The following PLEKHS1 variants were observed in gnomAD, a reference collection of about 807,000 sequenced individuals.
PLEKHS1 encodes the protein pleckstrin homology domain containing S1, also known as pleckstrin homology domain-containing family S member 1.
A neutral mutation model predicts 51.0 loss-of-function variants in PLEKHS1; 55 were observed. The observed-to-expected ratio is 1.08, with a 90% CI of 0.87 to 1.35. PLEKHS1 has a LOEUF of 1.35. Ranked by LOEUF, PLEKHS1 falls within the 40% of genes most tolerant of loss-of-function variation. The probability of loss-of-function intolerance (pLI) is 0.00; values close to 1 mark genes in which losing one functional copy is unlikely to be tolerated. For missense variants in PLEKHS1, 398 were observed against 423.0 expected, an observed-to-expected ratio of 0.94 and a Z score of 0.52; for synonymous variants, 153 against 144.8, an observed-to-expected ratio of 1.06 and a Z score of -0.41.
intron 1 of PLEKHS1, among the ~76,000 whole-genome samples, chr10:113,754,376 C>T (rs2134458368): frequency 6.6e-6 from 1 of 152,282 alleles, no homozygotes; most frequent in East Asian, 1.9e-4. Context: ...ACCTCACTTG[C>T]CCTGCAGCCC....
intron 2 of PLEKHS1, among the ~76,000 whole-genome samples, chr10:113,758,773 C>T (rs1425655337): frequency 1.3e-5 from 2 of 152,150 alleles, no homozygotes; most frequent in Middle Eastern, 3.2e-3. Flanking sequence ...TCAGAACACA[C>T]ACAACATTTT....
rs1181740187 is a variant in PLEKHS1 at position 113,777,944 on chromosome 10, T to C, written c.1091+2078T>C. On this transcript the variant is annotated intron_variant, in intron 11 of 11. Transcript: ENST00000361048. ...ATTCAAGGTTACAGTGTGCTATGAT[T>C]GCACCACTGCACTCCAGCCTGGAAG... 5 of 420,184 alleles carry C rather than the reference T, an allele frequency of 1.2e-5. No individual in the cohort carries two copies. The Admixed American group carries it at 1.9e-4, about 16-fold the overall frequency. The allele number at this position is 420,184 out of a possible 1,614,324, so 26.0% of individuals were successfully genotyped here. A position where few individuals can be genotyped will look rare whatever the true frequency, so the allele number is the denominator to read the frequency against.
chr10:113,771,946 A>G, intron 7 of PLEKHS1, 24 bp from the exon 8 acceptor site: 1 of 1,591,072 alleles, frequency 6.3e-7, no homozygotes, highest in Non-Finnish European at 8.5e-7. Flanking sequence ...GAAAAAGCAA[A>G]GCATTTTTAT....
chr10:113,769,740 C>G, intron 6 of PLEKHS1, 44 bp from the exon 7 acceptor site: 1 of 1,264,788 alleles, frequency 7.9e-7, no homozygotes, highest in Non-Finnish European at 1.2e-6. Flanking sequence ...TCATTCCAGA[C>G]AGAGATCAAC....
At chr10:113,762,794 G>T (rs1359599097) in intron 2 of PLEKHS1, among the ~76,000 whole-genome samples, 1 of 151,922 alleles carries the variant, frequency 6.6e-6, no homozygotes, top group African/African-American at 2.4e-5. Flanking sequence ...TTGTCATTGA[G>T]TGGAATGTTC....
intron 2 of PLEKHS1, among the ~76,000 whole-genome samples, chr10:113,763,819 T>C (rs1844048779): frequency 1.3e-5 from 2 of 152,204 alleles, no homozygotes; most frequent in African/African-American, 4.8e-5. Flanking sequence ...TCAGTTAATG[T>C]TTTAATGTTT....
chr10:113,774,961 T>C lies in PLEKHS1; in HGVS notation c.915T>C (p.Asp305=), dbSNP rs750158623. The C allele has an allele frequency of 1.2e-5, 20 of 1,614,048 alleles. No homozygotes were observed. In the Admixed American group the frequency reaches 2.3e-4, roughly 19 times the overall value. Residue 305 remains aspartate, a synonymous_variant, in exon 10 of 12, where the codon GAT becomes GAC. Coordinates refer to ENST00000361048, the Ensembl canonical transcript of PLEKHS1. ...TTGATTGGTGTCTTTCCCCTGCCGA[T>C]GTGGAAGCACAGACCACAAATGACC...
chr10:113,760,778 A>G (rs904906791), intron 2 of PLEKHS1, among the ~76,000 whole-genome samples: 2 of 152,118 alleles, frequency 1.3e-5, no homozygotes, highest in African/African-American at 4.8e-5. Context: ...TCACTTTCTT[A>G]ATAATATCCT....
exon 8 of PLEKHS1, chr10:113,772,065 T>A: frequency 6.2e-7 from 1 of 1,613,258 alleles, no homozygotes; most frequent in Non-Finnish European, 8.5e-7. Flanking sequence ...ATCATTATCT[T>A]ACTCCTCGAA....
intron 6 of PLEKHS1, 113 bp downstream of exon 6, chr10:113,769,003 T>A: frequency 1.5e-6 from 1 of 652,144 alleles, no homozygotes; most frequent in Admixed American, 3.3e-5. Flanking sequence ...ATACAAGGAA[T>A]AAATAAATGA....
intron 7 of PLEKHS1, among the ~76,000 whole-genome samples, chr10:113,770,594 G>C (rs1013047453): frequency 6.6e-6 from 1 of 152,124 alleles, no homozygotes; most frequent in Non-Finnish European, 1.5e-5. Flanking sequence ...CATCTAATGA[G>C]TCCTAGTCCC....
At chr10:113,769,365 C>A (rs137886250) in intron 6 of PLEKHS1, among the ~76,000 whole-genome samples, 1 of 152,284 alleles carries the variant, frequency 6.6e-6, no homozygotes, top group Non-Finnish European at 1.5e-5. Context: ...TCAGGGCAGA[C>A]CTTTATAGAT....
At chr10:113,775,057 C>T in intron 10 of PLEKHS1, 22 bp downstream of exon 10, 1 of 1,601,236 alleles carries the variant, frequency 6.2e-7, no homozygotes, top group Non-Finnish European at 8.6e-7. Flanking sequence ...ATTTCTAAAA[C>T]TTGATGGGCC....
Position 113,777,259 on chromosome 10 carries a change from G to A in PLEKHS1, c.1091+1393G>A, listed in dbSNP as rs781126883. The A allele has an allele frequency of 3.4e-5, 55 of 1,612,730 alleles. 1 individual carries two copies. The highest frequency in any genetic ancestry group is 8.3e-5 in the Admixed American group (5 of 60,004). Reference sequence around the variant, plus strand: ...TTCTTACCCGGTCCATCCAGAAGGAGGTGAGTCGTACTGACCAGCCCTGAA... The same window carrying A: ...TTCTTACCCGGTCCATCCAGAAGGAAGTGAGTCGTACTGACCAGCCCTGAA... On this transcript the variant is annotated intron_variant, in intron 11 of 11. Coordinates refer to ENST00000361048, the Ensembl canonical transcript of PLEKHS1.
intron 11 of PLEKHS1, chr10:113,777,910 A>G: frequency 1.6e-6 from 1 of 611,940 alleles, no homozygotes. Context: ...GAATCAATTG[A>G]GCCCAGGAAT....
chr10:113,766,749 C>T lies in PLEKHS1; in HGVS notation c.224+31C>T, dbSNP rs539606658. On this transcript the variant is annotated intron_variant, in intron 4 of 11. Transcript: ENST00000361048. Reference sequence around the variant, plus strand: ...TATCCAAGCAGGAAAACTTTTATAACAACAAATACTATAAAGTCAAACAGT... The same window carrying T: ...TATCCAAGCAGGAAAACTTTTATAATAACAAATACTATAAAGTCAAACAGT... The T allele has an allele frequency of 2.0e-4, 300 of 1,469,218 alleles. 2 individuals carry two copies. The South Asian group carries it at 3.6e-3, about 18-fold the overall frequency. The allele number at this position is 1,469,218 out of a possible 1,614,324, so 91.0% of individuals were successfully genotyped here.
chr10:113,771,579 G>T (rs941515971), intron 7 of PLEKHS1, among the ~76,000 whole-genome samples: 1 of 150,788 alleles, frequency 6.6e-6, no homozygotes, highest in East Asian at 2.0e-4. Flanking sequence ...GGAGGCTGAG[G>T]CAGGAGAATC....
At chr10:113,763,921 T>C (rs892403924) in intron 2 of PLEKHS1, among the ~76,000 whole-genome samples, 6 of 152,338 alleles carry the variant, frequency 3.9e-5, no homozygotes, top group Admixed American at 2.0e-4. Context: ...TATGTTATCA[T>C]TTCCCTTCTT....
intron 11 of PLEKHS1, among the ~76,000 whole-genome samples, chr10:113,779,168 G>A (rs1844792629): frequency 6.6e-6 from 1 of 152,164 alleles, no homozygotes; most frequent in African/African-American, 2.4e-5. Flanking sequence ...AGAAAGTGGT[G>A]TTTGGCTTAG....
Sources: gnomAD v4.1 joint callset for allele counts (sites outside exome capture counted in the v4.1 genomes callset) on GRCh38, gnomAD v4.1.1 for gene constraint, MANE v1.5 for transcripts, NCBI Gene and HGNC (gene_info 2026-07-23, HGNC 2026-07-21) for gene names.